MRC1: variants seen among roughly 807,000 people sequenced by gnomAD.
MRC1 encodes mannose receptor C-type 1, also known as macrophage mannose receptor 1.
Under a neutral mutation model 102.9 loss-of-function variants are expected in MRC1, and 62 were observed. That is an observed-to-expected ratio of 0.60 (90% CI 0.49 to 0.74). The LOEUF (loss-of-function observed/expected upper bound fraction) is 0.74. Among genes scored for constraint, MRC1 ranks in the 30% least tolerant of loss-of-function variants. The pLI is 0.00. For synonymous variants in MRC1, 457 were observed against 298.4 expected, an observed-to-expected ratio of 1.53 and a Z score of -5.48; for missense variants, 1,237 against 862.8, an observed-to-expected ratio of 1.43 and a Z score of -5.43.
At chr10:17,856,549 C>T (rs1010983969) in intron 9 of MRC1, among the ~76,000 whole-genome samples, 197 bp downstream of exon 9, 1 of 152,064 alleles carries the variant, frequency 6.6e-6, no homozygotes, top group Non-Finnish European at 1.5e-5. Flanking sequence ...ATAGTTAATA[C>T]AGAGGTACAC....
Position 17,840,727 on chromosome 10 carries a change from T to C in MRC1, c.837T>C (p.Ile279=). The C allele has an allele frequency of 1.3e-6, 1 of 780,898 alleles. No homozygotes were observed. Among genetic ancestry groups the C allele is most frequent in the Non-Finnish European group, 2.4e-6 (1 of 417,958 alleles). The allele number at this position is 780,898 out of a possible 1,614,324, so 48.4% of individuals were successfully genotyped here. A position where few individuals can be genotyped will look rare whatever the true frequency, so the allele number is the denominator to read the frequency against. The change falls in exon 5 of 30, where the codon ATT becomes ATC. Residue 279 remains isoleucine (I), a synonymous_variant. Coordinates refer to ENST00000569591, the MANE Select transcript of MRC1 (RefSeq NM_002438.4). The part of the protein sequence containing the change: ...LTSSLTSGLW[I]GLNSLSFNSG... Reference sequence around the variant, plus strand: ...GTTCCTTGACCTCAGGACTCTGGATTGGACTTAACAGTCTGAGCTTCAACA... The same window carrying C: ...GTTCCTTGACCTCAGGACTCTGGATCGGACTTAACAGTCTGAGCTTCAACA...
At chr10:17,813,647 A>G (rs1838258610) in intron 1 of MRC1, among the ~76,000 whole-genome samples, 1 of 134,544 alleles carries the variant, frequency 7.4e-6, no homozygotes, top group African/African-American at 2.7e-5. Flanking sequence ...ATATAAATAT[A>G]TACATATATA....
At chr10:17,832,427 T>C (rs998167169) in intron 3 of MRC1, among the ~76,000 whole-genome samples, 19 of 149,738 alleles carry the variant, frequency 1.3e-4, no homozygotes, top group East Asian at 4.0e-4. Flanking sequence ...TGGCGGCGTG[T>C]GCCTGTCGTC....
intron 5 of MRC1, among the ~76,000 whole-genome samples, chr10:17,844,378 C>T (rs1048649663): frequency 4.6e-5 from 7 of 151,994 alleles, no homozygotes; most frequent in Admixed American, 2.6e-4. Context: ...GCCAGCTCCC[C>T]GGCCGATTTT....
intron 4 of MRC1, among the ~76,000 whole-genome samples, chr10:17,836,856 A>G (rs1225829595): frequency 2.0e-5 from 3 of 152,068 alleles, no homozygotes; most frequent in African/African-American, 7.2e-5. Flanking sequence ...AAATAAATAA[A>G]AATTTAAAAA....
chr10:17,879,457 G>T (rs1003460271), intron 18 of MRC1, among the ~76,000 whole-genome samples: 3 of 152,126 alleles, frequency 2.0e-5, no homozygotes, highest in Non-Finnish European at 4.4e-5. Context: ...CAGTTCAAGC[G>T]ATCCTCCTGC....
chr10:17,861,315 A>C (rs1393821728), intron 9 of MRC1, 72 bp from the exon 10 acceptor site: 2 of 694,804 alleles, frequency 2.9e-6, no homozygotes, highest in Non-Finnish European at 5.1e-6. Flanking sequence ...CTGCATCTCA[A>C]ATAATAATAA....
At chr10:17,838,875 G>A (rs1838709264) in intron 4 of MRC1, among the ~76,000 whole-genome samples, 1 of 152,182 alleles carries the variant, frequency 6.6e-6, no homozygotes, top group Non-Finnish European at 1.5e-5. Context: ...TTAGCATGTG[G>A]AATTGTTGCT....
chr10:17,881,962 G>T (rs1376581375), intron 21 of MRC1, among the ~76,000 whole-genome samples: 2 of 143,328 alleles, frequency 1.4e-5, no homozygotes, highest in Non-Finnish European at 3.0e-5. Context: ...ACCATACCTG[G>T]CTTTGAAATA....
chr10:17,910,855 G>T lies in MRC1; in HGVS notation c.*390G>T. The T allele has an allele frequency of 5.1e-6, 1 of 197,854 alleles. No homozygotes were observed. Among genetic ancestry groups the T allele is most frequent in the South Asian group, 8.2e-5 (1 of 12,126 alleles). 12.3% of individuals were successfully genotyped at this position (197,854 alleles called of 1,614,324 possible). A position where few individuals can be genotyped will look rare whatever the true frequency, so the allele number is the denominator to read the frequency against. ...TTAAATTGTAACTCAGCAAGTAGAAGACCATTTGAAAAGTCAGGTACAAAT... is the reference window on the plus strand; with the variant it reads ...TTAAATTGTAACTCAGCAAGTAGAATACCATTTGAAAAGTCAGGTACAAAT... On this transcript the variant is annotated 3_prime_UTR_variant, in exon 30 of 30. Transcript: ENST00000569591.
intron 24 of MRC1, 111 bp downstream of exon 24, chr10:17,898,377 AGGCAATG>A (rs2130714500): frequency 1.2e-5 from 9 of 767,908 alleles, no homozygotes; most frequent in Admixed American, 6.8e-5. Context: ...AGACTGTGCT[AGGCAATG>A]TGAATGATAC....
At chr10:17,903,392 CTTTTTTTTTTT>C in intron 26 of MRC1, among the ~76,000 whole-genome samples, 1 of 88,846 alleles carries the variant, frequency 1.1e-5, no homozygotes, top group Non-Finnish European at 2.2e-5. Context: ...CTTTTTTTTT[CTTTTTTTTTTT>C]TTTTTTTTTT....
chr10:17,872,619 T>G (rs1267647541), intron 15 of MRC1, among the ~76,000 whole-genome samples: 1 of 152,176 alleles, frequency 6.6e-6, no homozygotes, highest in Non-Finnish European at 1.5e-5. Context: ...CACCATGTTA[T>G]TGATGGCCAA....
At chr10:17,891,896 G>A (rs1833683242) in intron 22 of MRC1, among the ~76,000 whole-genome samples, 1 of 152,104 alleles carries the variant, frequency 6.6e-6, no homozygotes, top group South Asian at 2.1e-4. Flanking sequence ...ATTGGGGAGG[G>A]GAAGTATTTC....
intron 6 of MRC1, among the ~76,000 whole-genome samples, chr10:17,845,844 A>T (rs1014101291): frequency 6.6e-6 from 1 of 152,304 alleles, no homozygotes; most frequent in South Asian, 2.1e-4. Context: ...CTTCCTTGCT[A>T]TTCAGTGTAG....
At chr10:17,812,351 G>C (rs1838236979) in intron 1 of MRC1, among the ~76,000 whole-genome samples, 3 of 152,146 alleles carry the variant, frequency 2.0e-5, no homozygotes, top group Admixed American at 6.5e-5. Context: ...CAGCAAAGAA[G>C]TTTAACTTGG....
At chr10:17,809,589 T>A (rs1240414658) in intron 1 of MRC1, 63 bp downstream of exon 1, 1 of 857,626 alleles carries the variant, frequency 1.2e-6, no homozygotes, top group African/African-American at 1.6e-5. Flanking sequence ...CTTCCTCTTC[T>A]GGGTTACTGT....
At chr10:17,859,373 A>G (rs1204665221) in intron 9 of MRC1, among the ~76,000 whole-genome samples, 1 of 152,158 alleles carries the variant, frequency 6.6e-6, no homozygotes, top group African/African-American at 2.4e-5. Context: ...GCTGGCATGC[A>G]GTGGCATGAT....
At chr10:17,848,684 C>T (rs1418010246) in intron 6 of MRC1, among the ~76,000 whole-genome samples, 1 of 152,150 alleles carries the variant, frequency 6.6e-6, no homozygotes, top group Non-Finnish European at 1.5e-5. Flanking sequence ...AAAATTTTCA[C>T]CTATATGGGT....
Sources: gnomAD v4.1 joint callset for allele counts (sites outside exome capture counted in the v4.1 genomes callset) on GRCh38, gnomAD v4.1.1 for gene constraint, MANE v1.5 for transcripts, NCBI Gene and HGNC (gene_info 2026-07-23, HGNC 2026-07-21) for gene names.